DMWD: variants seen among roughly 807,000 people sequenced by gnomAD.
DMWD encodes the protein DM1 locus, WD repeat containing, also known as dystrophia myotonica WD repeat-containing protein.
Under a neutral mutation model 45.8 loss-of-function variants are expected in DMWD, and 19 were observed. The observed-to-expected ratio is 0.41, with a 90% CI of 0.29 to 0.61. The LOEUF is 0.61. Among genes scored for constraint, DMWD ranks in the 20% least tolerant of loss-of-function variants. The pLI is 0.25. For synonymous variants in DMWD, 515 were observed against 440.5 expected, an observed-to-expected ratio of 1.17 and a Z score of -2.12; for missense variants, 802 against 965.2, an observed-to-expected ratio of 0.83 and a Z score of 2.24.
chr19:45,785,372 C>G (rs1970256094), intron 3 of DMWD: 1 of 1,246,346 alleles, frequency 8.0e-7, no homozygotes, highest in Non-Finnish European at 1.0e-6. Context: ...CTAGCTGGCT[C>G]TCACACCCAC....
intron 1 of DMWD, 33 bp downstream of exon 1, chr19:45,792,283 A>AGCCC (rs1385189751): frequency 6.3e-7 from 1 of 1,590,910 alleles, no homozygotes; most frequent in South Asian, 1.1e-5. Context: ...CCATCCTTTC[A>AGCCC]GCACCCAGGG....
Position 45,784,075 on chromosome 19 carries a change from G to A in DMWD, c.*168C>T, listed in dbSNP as rs745584273. Reference sequence around the variant, plus strand: ...GGCCACAAGGGCTATTACATCGCCCGTGTCCGGGCCAGTCTGGGGGGCCCC... The same window carrying A: ...GGCCACAAGGGCTATTACATCGCCCATGTCCGGGCCAGTCTGGGGGGCCCC... On this transcript the variant is annotated 3_prime_UTR_variant, in exon 5 of 5. Coordinates refer to ENST00000270223, the MANE Select transcript of DMWD (RefSeq NM_004943.2). 8 of 674,040 alleles carry A rather than the reference G, an allele frequency of 1.2e-5. No homozygotes were observed. Among genetic ancestry groups the A allele is most frequent in the African/African-American group, 1.8e-5 (1 of 55,352 alleles). 41.8% of individuals were successfully genotyped at this position (674,040 alleles called of 1,614,324 possible). A position where few individuals can be genotyped will look rare whatever the true frequency, so the allele number is the denominator to read the frequency against.
At chr19:45,791,589 C>T (rs531453995) in intron 1 of DMWD, among the ~76,000 whole-genome samples, 2 of 152,254 alleles carry the variant, frequency 1.3e-5, no homozygotes, top group Non-Finnish European at 2.9e-5. Flanking sequence ...TCAAACCTCA[C>T]GGTCTCCCAC....
At position 45,783,731 on chromosome 19, in the gene DMWD, G is replaced by A. The variant is rs780368516; in HGVS notation, c.*512C>T. The A allele has an allele frequency of 2.2e-6, 1 of 445,626 alleles. No homozygotes were observed. Among genetic ancestry groups the A allele is most frequent in the East Asian group, 3.5e-5 (1 of 28,218 alleles). 27.6% of individuals were successfully genotyped at this position (445,626 alleles called of 1,614,324 possible). ...CTCCTCCGAAGGGGACAGACCCGCT[G>A]AGAAAACAGGGAACTTTAGTATAAA... On this transcript the variant is annotated 3_prime_UTR_variant, in exon 5 of 5. Coordinates refer to ENST00000270223, the MANE Select transcript of DMWD (RefSeq NM_004943.2).
In DMWD at chr19:45,784,031, G is replaced by A; in HGVS notation, c.*212C>T. On this transcript the variant is annotated 3_prime_UTR_variant, in exon 5 of 5. Transcript: ENST00000270223. ...GGAAGAGGTCATTGTACTTGGCAGT[G>A]GGTGGGGGACAAGGCTGAGGCCACA... is the stretch of plus-strand genomic sequence containing the variant. 1 of 644,564 alleles carries A rather than the reference G, an allele frequency of 1.6e-6. No homozygotes were observed. Among genetic ancestry groups the A allele is most frequent in the South Asian group, 1.7e-5 (1 of 57,490 alleles). 39.9% of individuals were successfully genotyped at this position (644,564 alleles called of 1,614,324 possible).
chr19:45,792,556 G>A lies in DMWD; in HGVS notation c.201C>T (p.Ser67=). The change falls in exon 1 of 5, where the codon TCC becomes TCT. Residue 67 remains serine, a synonymous_variant. Coordinates refer to ENST00000270223, the MANE Select transcript of DMWD (RefSeq NM_004943.2). ...QPPQPPPGPA[S]ASGPGAAGPA... ...GGCCTGCAGCGCCGGGACCGGAGGCGGAGGCAGGGCCGGGCGGGGGCTGCG... is the reference window on the plus strand; with the variant it reads ...GGCCTGCAGCGCCGGGACCGGAGGCAGAGGCAGGGCCGGGCGGGGGCTGCG... 2 of 1,198,226 alleles carry A rather than the reference G, an allele frequency of 1.7e-6. No homozygotes were observed. The highest frequency in any genetic ancestry group is 1.6e-5 in the African/African-American group (1 of 61,942). 74.2% of individuals were successfully genotyped at this position (1,198,226 alleles called of 1,614,324 possible). A position where few individuals can be genotyped will look rare whatever the true frequency, so the allele number is the denominator to read the frequency against.
intron 2 of DMWD, chr19:45,789,419 G>T (rs1305778433): frequency 1.3e-5 from 2 of 152,252 alleles, no homozygotes; most frequent in African/African-American, 4.8e-5. Context: ...GTCGTTTACT[G>T]GTATCTCCTC....
chr19:45,783,181 T>C lies in DMWD; in HGVS notation c.*1062A>G, dbSNP rs1026955009. The C allele has an allele frequency of 1.3e-5, 2 of 158,598 alleles. No individual in the cohort carries two copies. The highest frequency in any genetic ancestry group is 4.8e-5 in the African/African-American group (2 of 41,638). The allele number at this position is 158,598 out of a possible 1,614,324, so 9.8% of individuals were successfully genotyped here. ...CTTGGCCCCTGGCCGGGGAGCCACA[T>C]TCCTGCCCAGGCTGGGATTAGAAAC... On this transcript the variant is annotated 3_prime_UTR_variant, in exon 5 of 5. Coordinates refer to ENST00000270223, the MANE Select transcript of DMWD (RefSeq NM_004943.2).
intron 2 of DMWD, 71 bp from the exon 3 acceptor site, chr19:45,786,942 G>A: frequency 6.5e-7 from 1 of 1,541,990 alleles, no homozygotes; most frequent in South Asian, 1.2e-5. Context: ...CCGACCCAAA[G>A]TCCCCAAGAA....
In DMWD at chr19:45,783,635, C is replaced by A. The variant is rs552733985; in HGVS notation, c.*608G>T. 81 of 400,662 alleles carry A rather than the reference C, an allele frequency of 2.0e-4. No individual in the cohort carries two copies. Among genetic ancestry groups the A allele is most frequent in the African/African-American group, 1.6e-3 (79 of 48,730 alleles). The allele number at this position is 400,662 out of a possible 1,614,324, so 24.8% of individuals were successfully genotyped here. A position where few individuals can be genotyped will look rare whatever the true frequency, so the allele number is the denominator to read the frequency against. On this transcript the variant is annotated 3_prime_UTR_variant, in exon 5 of 5. Transcript: ENST00000270223. Reference sequence around the variant, plus strand: ...TGGGAGGCGCTGGGCTGGGAGCAGGCCTGCACTCCTCCTCTGGGGAAAGCG... The same window carrying A: ...TGGGAGGCGCTGGGCTGGGAGCAGGACTGCACTCCTCCTCTGGGGAAAGCG...
chr19:45,785,336 ACGGC>A, intron 3 of DMWD: 1 of 1,219,380 alleles, frequency 8.2e-7, no homozygotes, highest in Non-Finnish European at 1.0e-6. Flanking sequence ...TGCCCTTCAG[ACGGC>A]CAGCCTTGGA....
At chr19:45,788,944 A>C (rs1336285183) in intron 2 of DMWD, among the ~76,000 whole-genome samples, 2 of 151,858 alleles carry the variant, frequency 1.3e-5, no homozygotes, top group Non-Finnish European at 2.9e-5. Context: ...AAAAAAAAAA[A>C]AAAATGCCCT....
In DMWD at chr19:45,783,639, C is replaced by A; in HGVS notation, c.*604G>T. 1 of 400,762 alleles carries A rather than the reference C, an allele frequency of 2.5e-6. No homozygotes were observed. The highest frequency in any genetic ancestry group is 4.4e-6 in the Non-Finnish European group (1 of 227,540). The allele number at this position is 400,762 out of a possible 1,614,324, so 24.8% of individuals were successfully genotyped here. ...AGGCGCTGGGCTGGGAGCAGGCCTGCACTCCTCCTCTGGGGAAAGCGGACT... is the reference window on the plus strand; with the variant it reads ...AGGCGCTGGGCTGGGAGCAGGCCTGAACTCCTCCTCTGGGGAAAGCGGACT... On this transcript the variant is annotated 3_prime_UTR_variant, in exon 5 of 5. Transcript: ENST00000270223.
In DMWD at chr19:45,789,018, G is replaced by A. The variant is rs1182068170; in HGVS notation, c.624+1887C>T. Among the ~76,000 whole-genome samples the A allele has an allele frequency of 2.6e-5, 4 of 151,644 alleles. No individual in the cohort carries two copies. In the South Asian group the frequency reaches 6.3e-4, roughly 24 times the overall value. The stretch of plus-strand genomic sequence containing the variant: ...TTATTTCAGTATCACCTCTTAGTGA[G>A]GGCTTTCCTGACCACCCTACTAAAC... On this transcript the variant is annotated intron_variant, in intron 2 of 4. Transcript: ENST00000270223.
Position 45,785,770 on chromosome 19 carries a change from C to T in DMWD, c.1726G>A (p.Ala576Thr), listed in dbSNP as rs762666229. Residue 576 changes from alanine to threonine, a missense_variant, in exon 3 of 5, where the codon GCC becomes ACC. By Grantham distance (58) the Ala-to-Thr change is moderately conservative. Coordinates refer to ENST00000270223, the MANE Select transcript of DMWD (RefSeq NM_004943.2). ...GPVPRSRLDP[A>T]KVLGTALCPR... ...CACAGCGCAGTGCCCAGCACCTTGG[C>T]GGGGTCCAGGCGGCTGCGGGGAACA... 1.6e-5 allele frequency: 25 copies of T among 1,610,928 alleles called. No individual in the cohort carries two copies. Among genetic ancestry groups the T allele is most frequent in the East Asian group, 2.2e-5 (1 of 44,844 alleles).
At position 45,785,995 on chromosome 19, in the gene DMWD, C is replaced by T. The variant is rs1022092946; in HGVS notation, c.1501G>A (p.Gly501Ser). The change falls in exon 3 of 5, where the codon GGC becomes AGC. Residue 501 changes from glycine to serine, a missense_variant. Physicochemically the swap from Gly to Ser is moderately conservative, Grantham distance 56. Transcript: ENST00000270223. ...SRSNSLPHPA[G>S]GGKAGGPGVA... is the part of the protein sequence containing the mutation. ...CCCGGGCCGCCCGCCTTGCCCCCGC[C>T]AGCTGGGTGCGGGAGACTGTTGGAG... 6.4e-7 allele frequency: 1 copy of T among 1,567,594 alleles called. No homozygotes were observed.
chr19:45,786,949 AG>A, intron 2 of DMWD, 78 bp from the exon 3 acceptor site: 1 of 1,533,992 alleles, frequency 6.5e-7, no homozygotes, highest in Non-Finnish European at 8.8e-7. Flanking sequence ...AAAGTCCCCA[AG>A]AAGGCCGTTG....
chr19:45,792,294 C>G lies in DMWD; in HGVS notation c.441+22G>C, dbSNP rs377362284. 1.6e-5 allele frequency: 25 copies of G among 1,599,248 alleles called. No homozygotes were observed. In the South Asian group the frequency reaches 1.8e-4, roughly 11 times the overall value. ...ACCTCCATCCTTTCAGCACCCAGGG[C>G]CCCACGATGCAGGCCGCTCACCCGT... On this transcript the variant is annotated intron_variant, in intron 1 of 4. Transcript: ENST00000270223.
In DMWD at chr19:45,784,632, C is replaced by G; in HGVS notation, c.1977+9G>C. The G allele has an allele frequency of 6.2e-7, 1 of 1,613,722 alleles. No homozygotes were observed. Among genetic ancestry groups the G allele is most frequent in the Admixed American group, 1.7e-5 (1 of 59,986 alleles). On this transcript the variant is annotated intron_variant, in intron 4 of 4. Coordinates refer to ENST00000270223, the MANE Select transcript of DMWD (RefSeq NM_004943.2). ...AGGTGCTGGGGAAAGAACTCAGGGA[C>G]AGTCCTACCTCTACCACTGACTTGC...
Sources: gnomAD v4.1 joint callset for allele counts (sites outside exome capture counted in the v4.1 genomes callset) on GRCh38, gnomAD v4.1.1 for gene constraint, MANE v1.5 for transcripts, NCBI Gene and HGNC (gene_info 2026-07-23, HGNC 2026-07-21) for gene names.